Variants in DYNC1I1 observed in about 807,000 individuals in gnomAD.
DYNC1I1 encodes dynein cytoplasmic 1 intermediate chain 1.
Under a neutral mutation model 86.6 loss-of-function variants are expected in DYNC1I1, and 43 were observed. The ratio of observed to expected loss-of-function variants is 0.50; its 90% CI spans 0.39 to 0.64. DYNC1I1 has a LOEUF of 0.64. Among genes scored for constraint, DYNC1I1 ranks in the 30% least tolerant of loss-of-function variants. The probability of loss-of-function intolerance (pLI) is 0.00; values close to 1 mark genes in which losing one functional copy is unlikely to be tolerated. For missense variants in DYNC1I1, 604 were observed against 788.8 expected (o/e 0.77, Z 2.81); for synonymous variants, 262 against 283.7 (o/e 0.92, Z 0.77).
intron 6 of DYNC1I1, among the ~76,000 whole-genome samples, chr7:95,951,595 C>A (rs1379374570): frequency 6.6e-6 from 1 of 152,306 alleles, no homozygotes; most frequent in East Asian, 1.9e-4. Flanking sequence ...ATTAAAATAT[C>A]TTTTCTATGG....
intron 9 of DYNC1I1, among the ~76,000 whole-genome samples, chr7:95,992,913 G>A (rs538646527): frequency 5.9e-5 from 9 of 152,042 alleles, no homozygotes; most frequent in African/African-American, 1.7e-4. Context: ...CAGCCACTGC[G>A]CCCCAACTAG....
intron 6 of DYNC1I1, among the ~76,000 whole-genome samples, chr7:95,937,339 G>A (rs1792072515): frequency 6.6e-6 from 1 of 151,974 alleles, no homozygotes. Context: ...GGACAAAATA[G>A]GTTAACTATG....
At chr7:95,874,412 GAT>G (rs1291230248) in intron 6 of DYNC1I1, among the ~76,000 whole-genome samples, 3 of 152,036 alleles carry the variant, frequency 2.0e-5, no homozygotes, top group Non-Finnish European at 4.4e-5. Context: ...TTGTTGAGAA[GAT>G]ATGAGATACT....
At chr7:96,065,081 G>T (rs1287997378) in intron 14 of DYNC1I1, among the ~76,000 whole-genome samples, 1 of 152,168 alleles carries the variant, frequency 6.6e-6, no homozygotes, top group East Asian at 1.9e-4. Flanking sequence ...GAATCAGCGT[G>T]CACCCACATG....
intron 14 of DYNC1I1, among the ~76,000 whole-genome samples, chr7:96,050,590 G>T (rs761431881): frequency 1.6e-4 from 24 of 152,096 alleles, no homozygotes; most frequent in Non-Finnish European, 2.8e-4. Context: ...GGGGTGCTAA[G>T]TTCCTAAACA....
intron 6 of DYNC1I1, among the ~76,000 whole-genome samples, chr7:95,964,824 AG>A (rs775150313): frequency 5.9e-5 from 9 of 152,232 alleles, no homozygotes; most frequent in Admixed American, 1.3e-4. Flanking sequence ...CATTTGAATA[AG>A]GACCCTAAAG....
intron 5 of DYNC1I1, among the ~76,000 whole-genome samples, chr7:95,856,974 G>A (rs537931718): frequency 1.8e-4 from 28 of 151,508 alleles, no homozygotes; most frequent in African/African-American, 3.4e-4. Context: ...GTGAGAATCC[G>A]TCTCAGAAAA....
chr7:96,009,134 A>T (rs1352602925), intron 10 of DYNC1I1, among the ~76,000 whole-genome samples: 1 of 152,174 alleles, frequency 6.6e-6, no homozygotes, highest in African/African-American at 2.4e-5. Flanking sequence ...AACAGAGTAA[A>T]ACATATTTCT....
At chr7:96,057,268 G>T (rs1253248373) in intron 14 of DYNC1I1, among the ~76,000 whole-genome samples, 1 of 152,168 alleles carries the variant, frequency 6.6e-6, no homozygotes, top group Non-Finnish European at 1.5e-5. Flanking sequence ...TGCTCAGTCT[G>T]TGCGAGTCAG....
At chr7:96,068,063 C>T (rs1200016845) in intron 14 of DYNC1I1, among the ~76,000 whole-genome samples, 1 of 152,152 alleles carries the variant, frequency 6.6e-6, no homozygotes, top group Non-Finnish European at 1.5e-5. Context: ...CAATGTGGGT[C>T]CATCTTGACC....
chr7:95,806,481 T>C (rs1050907573), intron 2 of DYNC1I1, among the ~76,000 whole-genome samples: 1 of 152,100 alleles, frequency 6.6e-6, no homozygotes, highest in African/African-American at 2.4e-5. Context: ...CCCTGGGAGG[T>C]TGGAGGCTGC....
intron 5 of DYNC1I1, among the ~76,000 whole-genome samples, chr7:95,854,140 T>C (rs1049767009): frequency 6.6e-6 from 1 of 152,216 alleles, no homozygotes; most frequent in Non-Finnish European, 1.5e-5. Flanking sequence ...ATATTCAAGA[T>C]AATAATTGAT....
intron 10 of DYNC1I1, among the ~76,000 whole-genome samples, chr7:96,026,507 G>C (rs1794687142): frequency 6.6e-6 from 1 of 151,868 alleles, no homozygotes; most frequent in East Asian, 1.9e-4. Flanking sequence ...TCCAAAAGTT[G>C]TGATTTCTCA....
intron 5 of DYNC1I1, among the ~76,000 whole-genome samples, chr7:95,868,231 C>CGTCTCTA (rs1412416842): frequency 6.6e-6 from 1 of 152,168 alleles, no homozygotes; most frequent in Admixed American, 6.5e-5. Context: ...AGACAGCCAG[C>CGTCTCTA]GAGGCTTGTC....
chr7:95,834,977 T>A (rs1308527243), intron 5 of DYNC1I1, among the ~76,000 whole-genome samples: 5 of 145,684 alleles, frequency 3.4e-5, no homozygotes, highest in Admixed American at 6.9e-5. Flanking sequence ...TTCCTTCAGT[T>A]CTGCTCTGAT....
At chr7:95,845,725 T>C (rs995819526) in intron 5 of DYNC1I1, among the ~76,000 whole-genome samples, 2 of 152,190 alleles carry the variant, frequency 1.3e-5, no homozygotes, top group Non-Finnish European at 2.9e-5. Context: ...TCTATAAATA[T>C]AGATTTATAT....
chr7:95,800,953 G>A lies in DYNC1I1; in HGVS notation c.-9-3768G>A, dbSNP rs376547343. Among the ~76,000 whole-genome samples, 14 of 152,322 alleles carry A rather than the reference G, an allele frequency of 9.2e-5. No individual in the cohort carries two copies. In the East Asian group the frequency reaches 2.5e-3, roughly 27 times the overall value. ...TGGGTCAGACTAGCAAGCCCCCCAG[G>A]AAATCCTACGGAGTTCACTGCTGAC... is the stretch of plus-strand genomic sequence containing the variant. On this transcript the variant is annotated intron_variant, in intron 1 of 16. Transcript: ENST00000447467.
chr7:95,939,467 C>G lies in DYNC1I1; in HGVS notation c.491-38045C>G, dbSNP rs186151846. Reference sequence around the variant, plus strand: ...GTAGGTCACTCAGGACTTGCTTTATCAATCTGGGTGCTCCTGTATTGGGTG... The same window carrying G: ...GTAGGTCACTCAGGACTTGCTTTATGAATCTGGGTGCTCCTGTATTGGGTG... On this transcript the variant is annotated intron_variant, in intron 6 of 16. Transcript: ENST00000447467. Among the ~76,000 whole-genome samples the G allele has an allele frequency of 1.1e-3, 170 of 152,004 alleles. No homozygotes were observed. The East Asian group carries it at 0.017, about 15-fold the overall frequency.
Position 95,857,519 on chromosome 7 carries a change from A to G in DYNC1I1, c.375-12364A>G, listed in dbSNP as rs997787083. ...CATGACTTCTTATTGTTCCTGTAGT[A>G]CACTGGCAATGTGTGCTTATTGATA... On this transcript the variant is annotated intron_variant, in intron 5 of 16. Transcript: ENST00000447467. Among the ~76,000 whole-genome samples, 4 of 152,162 alleles carry G rather than the reference A, an allele frequency of 2.6e-5. 1 individual carries two copies. Among genetic ancestry groups the G allele is most frequent in the South Asian group, 4.1e-4 (2 of 4,820 alleles).
Sources: allele counts gnomAD v4.1 joint callset (sites outside exome capture counted in the v4.1 genomes callset), GRCh38; gene constraint gnomAD v4.1.1; transcripts MANE v1.5; gene names NCBI Gene and HGNC (gene_info 2026-07-23, HGNC 2026-07-21).